EIF4G3: variants seen among roughly 807,000 people sequenced by gnomAD.
EIF4G3 encodes the protein eIF-4-gamma 3.
EIF4G3 carries 34 observed loss-of-function variants against 186.4 expected under a neutral mutation model. That is an observed-to-expected ratio of 0.18 (90% confidence interval 0.14 to 0.24). The LOEUF is 0.24. Among genes scored for constraint, EIF4G3 ranks in the 10% least tolerant of loss-of-function variants. The probability of loss-of-function intolerance (pLI) is 1.00; values close to 1 mark genes in which losing one functional copy is unlikely to be tolerated. For missense variants in EIF4G3, 1,536 were observed against 1,948.5 expected (o/e 0.79, Z 3.99); for synonymous variants, 673 against 679.5 (o/e 0.99, Z 0.15).
At chr1:20,910,460 C>T (rs1188493389) in intron 14 of EIF4G3, among the ~76,000 whole-genome samples, 2 of 151,744 alleles carry the variant, frequency 1.3e-5, no homozygotes, top group Admixed American at 6.6e-5. Context: ...GGCAGGCCCC[C>T]GTAATCCCAG....
chr1:20,886,161 A>G, intron 19 of EIF4G3, 40 bp downstream of exon 19: 1 of 1,568,286 alleles, frequency 6.4e-7, no homozygotes, highest in Non-Finnish European at 8.6e-7. Context: ...CAAAATCAAT[A>G]TAATTTCAAA....
intron 2 of EIF4G3, among the ~76,000 whole-genome samples, chr1:21,127,242 G>T (rs1008987904): frequency 6.6e-6 from 1 of 152,136 alleles, no homozygotes; most frequent in African/African-American, 2.4e-5. Context: ...TCCCCAAAGT[G>T]CTGGGATTAC....
intron 4 of EIF4G3, among the ~76,000 whole-genome samples, chr1:21,011,529 ATC>A (rs2154569931): frequency 6.6e-6 from 1 of 152,302 alleles, no homozygotes; most frequent in South Asian, 2.1e-4. Flanking sequence ...ATGCATGCAC[ATC>A]TGTGTGTATA....
At chr1:21,050,719 C>T (rs745835768) in intron 4 of EIF4G3, 147 bp downstream of exon 4, 9 of 542,568 alleles carry the variant, frequency 1.7e-5, no homozygotes, top group South Asian at 2.5e-5. Context: ...TCTTTATGAA[C>T]GGTTAAGTCT....
intron 7 of EIF4G3, among the ~76,000 whole-genome samples, chr1:20,995,943 T>C (rs960158413): frequency 6.6e-6 from 1 of 152,208 alleles, no homozygotes; most frequent in African/African-American, 2.4e-5. Context: ...CTCAAATAAA[T>C]AGTTTCTTTT....
At chr1:21,062,460 A>G (rs1196649353) in intron 3 of EIF4G3, among the ~76,000 whole-genome samples, 1 of 152,238 alleles carries the variant, frequency 6.6e-6, no homozygotes, top group East Asian at 1.9e-4. Flanking sequence ...CAGAATTTCA[A>G]AATATAGGCA....
At chr1:20,919,905 A>T (rs1292039418) in intron 14 of EIF4G3, among the ~76,000 whole-genome samples, 1 of 144,190 alleles carries the variant, frequency 6.9e-6, no homozygotes, top group Non-Finnish European at 1.6e-5. Flanking sequence ...AGCCCTCTGG[A>T]GATAATTCTT....
chr1:21,007,527 AAAAAAAAAAAC>A (rs1218359138), intron 4 of EIF4G3, among the ~76,000 whole-genome samples: 2 of 134,094 alleles, frequency 1.5e-5, no homozygotes, highest in East Asian at 2.0e-4. Flanking sequence ...AAAAAAAAAA[AAAAAAAAAAAC>A]ACACTCAAAA....
intron 4 of EIF4G3, among the ~76,000 whole-genome samples, chr1:21,032,212 G>A (rs569074831): frequency 1.2e-4 from 19 of 152,226 alleles, no homozygotes; most frequent in Admixed American, 9.2e-4. Context: ...CAGACAAGCC[G>A]ATTGCTTATA....
chr1:20,907,729 T>A (rs1468927690), intron 14 of EIF4G3, among the ~76,000 whole-genome samples: 1 of 152,166 alleles, frequency 6.6e-6, no homozygotes, highest in Non-Finnish European at 1.5e-5. Flanking sequence ...GAACTCATCA[T>A]TTTTTATGGC....
chr1:20,876,455 A>C (rs1388687382), intron 20 of EIF4G3, among the ~76,000 whole-genome samples: 1 of 150,986 alleles, frequency 6.6e-6, no homozygotes, highest in Non-Finnish European at 1.5e-5. Context: ...AAAAAAAAAA[A>C]AAAAACAAAC....
At chr1:21,079,996 T>C (rs1266367134) in intron 3 of EIF4G3, among the ~76,000 whole-genome samples, 1 of 151,094 alleles carries the variant, frequency 6.6e-6, no homozygotes, top group Non-Finnish European at 1.5e-5. Context: ...ACCAAAAATA[T>C]AAAAACTAGC....
In EIF4G3 at chr1:20,817,473, A is replaced by G. The variant is rs373080283; in HGVS notation, c.4434T>C (p.Ser1478=). Residue 1478 remains serine, a synonymous_variant, in exon 34 of 37, where the codon TCT becomes TCC. Coordinates refer to ENST00000602326, the MANE Select transcript of EIF4G3 (RefSeq NM_001391906.1). The part of the protein sequence containing the change: ...SSEALSKKEL[S]AEELYKRLEK... ...CGAGTCGCTTATACAGCTCTTCGGC[A>G]GACAGTTCTTTCTTTGAAAGTGCTT... 4.4e-6 allele frequency: 7 copies of G among 1,608,668 alleles called. No individual in the cohort carries two copies. Among genetic ancestry groups the G allele is most frequent in the East Asian group, 4.5e-5 (2 of 44,714 alleles).
At chr1:20,966,780 G>A (rs1380355672) in intron 12 of EIF4G3, among the ~76,000 whole-genome samples, 1 of 152,032 alleles carries the variant, frequency 6.6e-6, no homozygotes, top group Non-Finnish European at 1.5e-5. Flanking sequence ...TTTCTATGAT[G>A]CTCCAGAAAA....
rs748312047 is a variant in EIF4G3 at position 20,973,095 on chromosome 1, C to A, written c.498G>T (p.Thr166=). 3 of 1,607,072 alleles carry A rather than the reference C, an allele frequency of 1.9e-6. No individual in the cohort carries two copies. The African/African-American group carries it at 4.0e-5, about 22-fold the overall frequency. Residue 166 remains threonine (T), a synonymous_variant, in exon 11 of 37, where the codon ACG becomes ACT. Transcript: ENST00000602326. Reference sequence around the variant, plus strand: ...ACACCGGCTGACTTGGGTAAAAAGGCGTTCCTAAAAAGTTGGAAAAAATTA... The same window carrying A: ...ACACCGGCTGACTTGGGTAAAAAGGAGTTCCTAAAAAGTTGGAAAAAATTA... The part of the protein sequence containing the change: ...GPGDFPNAYG[T]PFYPSQPVYQ...
intron 14 of EIF4G3, among the ~76,000 whole-genome samples, chr1:20,931,552 A>G (rs1220091122): frequency 6.6e-5 from 10 of 152,212 alleles, no homozygotes; most frequent in Admixed American, 6.5e-4. Context: ...CACCGGCTGC[A>G]TAAGCCCCTA....
chr1:20,981,548 A>G lies in EIF4G3; in HGVS notation c.199-321T>C, dbSNP rs550474412. Among the ~76,000 whole-genome samples the G allele has an allele frequency of 5.4e-5, 7 of 128,818 alleles. No individual in the cohort carries two copies. In the East Asian group the frequency reaches 1.5e-3, roughly 27 times the overall value. 84.5% of individuals were successfully genotyped at this position (128,818 alleles called of 152,430 possible). ...ACATACATGTATACGCACATACTGT[A>G]TGTATACATACATACATGTATACGC... On this transcript the variant is annotated intron_variant, in intron 8 of 36. Coordinates refer to ENST00000602326, the MANE Select transcript of EIF4G3 (RefSeq NM_001391906.1).
At chr1:20,998,484 A>G (rs2082786767) in intron 6 of EIF4G3, among the ~76,000 whole-genome samples, 1 of 152,196 alleles carries the variant, frequency 6.6e-6, no homozygotes, top group Non-Finnish European at 1.5e-5. Context: ...GTAATTCCTC[A>G]GCTAAATCAT....
Position 20,959,020 on chromosome 1 carries a change from C to T in EIF4G3, c.715-8909G>A, listed in dbSNP as rs573017746. ...AATGTAATTCTCATCAAAATACCAACGTTTCACAGAATCAGAAAAAAAAAT... is the reference window on the plus strand; with the variant it reads ...AATGTAATTCTCATCAAAATACCAATGTTTCACAGAATCAGAAAAAAAAAT... On this transcript the variant is annotated intron_variant, in intron 12 of 36. Coordinates refer to ENST00000602326, the MANE Select transcript of EIF4G3 (RefSeq NM_001391906.1). Among the ~76,000 whole-genome samples the T allele has an allele frequency of 5.9e-5, 9 of 151,824 alleles. No individual in the cohort carries two copies. The South Asian group carries it at 1.5e-3, about 25-fold the overall frequency.
Sources: gnomAD v4.1 joint callset for allele counts (sites outside exome capture counted in the v4.1 genomes callset) on GRCh38, gnomAD v4.1.1 for gene constraint, MANE v1.5 for transcripts, NCBI Gene and HGNC (gene_info 2026-07-23, HGNC 2026-07-21) for gene names.